ZNF8: variants seen among roughly 807,000 people sequenced by gnomAD.
ZNF8 encodes zinc finger protein 8.
ZNF8 carries 9 observed loss-of-function variants against 12.2 expected under a neutral mutation model. The ratio of observed to expected loss-of-function variants is 0.73; its 90% CI spans 0.44 to 1.28. The LOEUF (loss-of-function observed/expected upper bound fraction) is 1.28. ZNF8 is among the 50% of genes most tolerant of loss of function. The pLI is 0.00. For synonymous variants in ZNF8, 274 were observed against 282.3 expected, an observed-to-expected ratio of 0.97 and a Z score of 0.30; for missense variants, 664 against 729.1, an observed-to-expected ratio of 0.91 and a Z score of 1.03.
In ZNF8 at chr19:58,294,444, T is replaced by G; in HGVS notation, c.636T>G (p.His212Gln). 1 of 1,614,068 alleles carries G rather than the reference T, an allele frequency of 6.2e-7. No individual in the cohort carries two copies. The highest frequency in any genetic ancestry group is 2.2e-5 in the East Asian group (1 of 44,880). ...TYDSQITDSE[H>Q]NSSLVSQQTG... is the part of the protein sequence containing the mutation. ...ACTCACAGATTACAGACTCAGAACA[T>G]AACTCCAGCTTAGTCAGTCAGCAGA... The change falls in exon 4 of 4, where the codon CAT (histidine) becomes CAG (glutamine). Residue 212 changes from histidine to glutamine, a missense_variant. Physicochemically the swap from His to Gln is conservative, Grantham distance 24. This residue lies in a region of ZNF8 where 306 missense variants were observed against 308.7 expected (regional missense o/e 0.99). Coordinates refer to ENST00000621650, the MANE Select transcript of ZNF8 (RefSeq NM_021089.3). The surrounding 1 kb of genome is among the most constrained non-coding windows in gnomAD (Gnocchi z 5.5).
In ZNF8 at chr19:58,298,038, T is replaced by C. The variant is rs1329416735; in HGVS notation, c.*2502T>C. The C allele has an allele frequency of 1.3e-5, 2 of 151,986 alleles. No individual in the cohort carries two copies. The highest frequency in any genetic ancestry group is 2.9e-5 in the Non-Finnish European group (2 of 67,996). 9.4% of individuals were successfully genotyped at this position (151,986 alleles called of 1,614,324 possible). On this transcript the variant is annotated 3_prime_UTR_variant, in exon 4 of 4. Coordinates refer to ENST00000621650, the MANE Select transcript of ZNF8 (RefSeq NM_021089.3). Reference sequence around the variant, plus strand: ...AATTTCTTTTCTTTTCTTTTTTTTTTTTTTCTTTTGAGACGGAGTCTCGCT... The same window carrying C: ...AATTTCTTTTCTTTTCTTTTTTTTTCTTTTCTTTTGAGACGGAGTCTCGCT...
chr19:58,280,637 TCTGCTG>T (rs1403340570), intron 1 of ZNF8: 3 of 152,246 alleles, frequency 2.0e-5, no homozygotes, highest in East Asian at 3.8e-4. Context: ...GTTATCTGTG[TCTGCTG>T]TAACAATTCA....
rs2051378972 is a variant in ZNF8 at position 58,285,723 on chromosome 19, G to A, written c.73G>A (p.Val25Met). ...AATGTGTGTGATGTTTCAGGAACCA[G>A]TGACCTTCCGGGATGTGGCTGTGGA... Reference protein sequence around the residue: ...GPPAARLQEPVTFRDVAVDFT... With the variant: ...GPPAARLQEPMTFRDVAVDFT... Residue 25 changes from valine (V) to methionine (M), a missense_variant, in exon 2 of 4, where the codon GTG becomes ATG. Physicochemically the swap from Val to Met is conservative, Grantham distance 21. This residue lies in a region of ZNF8 where 306 missense variants were observed against 308.7 expected (regional missense o/e 0.99). Transcript: ENST00000621650. 3 of 1,614,070 alleles carry A rather than the reference G, an allele frequency of 1.9e-6. No homozygotes were observed. The highest frequency in any genetic ancestry group is 1.7e-6 in the Non-Finnish European group (2 of 1,180,034).
In ZNF8 at chr19:58,294,247, A is replaced by G. The variant is rs2051438320; in HGVS notation, c.439A>G (p.Ser147Gly). The G allele has an allele frequency of 6.2e-7, 1 of 1,614,154 alleles. No homozygotes were observed. Among genetic ancestry groups the G allele is most frequent in the Middle Eastern group, 1.6e-4 (1 of 6,062 alleles). ...LGKDRECQSQ[S>G]LALKEQNNLK... ...GAAAGACAGGGAGTGTCAGAGCCAG[A>G]GTCTGGCACTCAAGGAGCAGAATAA... Residue 147 changes from serine (S) to glycine (G), a missense_variant, in exon 4 of 4, where the codon AGT (serine) becomes GGT (glycine). This residue lies in a region of ZNF8 where 306 missense variants were observed against 308.7 expected (regional missense o/e 0.99). Coordinates refer to ENST00000621650, the MANE Select transcript of ZNF8 (RefSeq NM_021089.3). This position sits in a 1 kb window ranked among gnomAD's most constrained non-coding sequence, Gnocchi z 5.5.
At chr19:58,290,328 A>C (rs184484293) in intron 3 of ZNF8, among the ~76,000 whole-genome samples, 19 of 148,646 alleles carry the variant, frequency 1.3e-4, no homozygotes, top group Non-Finnish European at 2.4e-4. Flanking sequence ...GTTGGCCAGG[A>C]TGGTCTCTAT....
chr19:58,296,918 C>G lies in ZNF8; in HGVS notation c.*1382C>G, dbSNP rs1002627368. The stretch of plus-strand genomic sequence containing the variant: ...GAAGCCACCTGGGTATAAACCCAGC[C>G]CAGAAATGTAGCTGACATTTTTAAA... On this transcript the variant is annotated 3_prime_UTR_variant, in exon 4 of 4. Transcript: ENST00000621650. 4 of 152,142 alleles carry G rather than the reference C, an allele frequency of 2.6e-5. No homozygotes were observed. Among genetic ancestry groups the G allele is most frequent in the African/African-American group, 9.7e-5 (4 of 41,400 alleles). 9.4% of individuals were successfully genotyped at this position (152,142 alleles called of 1,614,324 possible).
At position 58,290,404 on chromosome 19, in the gene ZNF8, G is replaced by A. The variant is rs1431841090; in HGVS notation, c.290-3694G>A. ...GCTGGGATTACAGACGTGAGCCACCGCGCCCGGCCATCAAGATTCTTAATC... is the reference window on the plus strand; with the variant it reads ...GCTGGGATTACAGACGTGAGCCACCACGCCCGGCCATCAAGATTCTTAATC... On this transcript the variant is annotated intron_variant, in intron 3 of 3. Transcript: ENST00000621650. Among the ~76,000 whole-genome samples, 18 of 152,150 alleles carry A rather than the reference G, an allele frequency of 1.2e-4. No individual in the cohort carries two copies. The South Asian group carries it at 1.5e-3, about 12-fold the overall frequency.
At chr19:58,282,160 T>C (rs1290993426) in intron 1 of ZNF8, among the ~76,000 whole-genome samples, 1 of 152,000 alleles carries the variant, frequency 6.6e-6, no homozygotes, top group African/African-American at 2.4e-5. Flanking sequence ...GTGGTTTTGT[T>C]TTGTTTTTTA....
rs566299938 is a variant in ZNF8, at chr19:58,295,732, T to C, written c.*196T>C. 18 of 558,424 alleles carry C rather than the reference T, an allele frequency of 3.2e-5. No individual in the cohort carries two copies. The highest frequency in any genetic ancestry group is 3.0e-4 in the African/African-American group (16 of 53,318). The allele number at this position is 558,424 out of a possible 1,614,324, so 34.6% of individuals were successfully genotyped here. ...ACTCAGTGCCCTCTTTAGCGACATA[T>C]TTTGTGACATTCCTTCCATTACACC... On this transcript the variant is annotated 3_prime_UTR_variant, in exon 4 of 4. Coordinates refer to ENST00000621650, the MANE Select transcript of ZNF8 (RefSeq NM_021089.3).
intron 3 of ZNF8, among the ~76,000 whole-genome samples, chr19:58,287,548 A>G (rs1284444834): frequency 1.3e-5 from 2 of 149,936 alleles, no homozygotes; most frequent in Non-Finnish European, 3.0e-5. Context: ...TGTGTTGCCC[A>G]GGCTGGTCTC....
In ZNF8 at chr19:58,295,589, C is replaced by T. The variant is rs1048311330; in HGVS notation, c.*53C>T. ...CCACAAGTAAAAAATGTGGTAAGTC[C>T]ACATAGTGTACTCATGGAAGGAGGG... On this transcript the variant is annotated 3_prime_UTR_variant, in exon 4 of 4. Coordinates refer to ENST00000621650, the MANE Select transcript of ZNF8 (RefSeq NM_021089.3). The T allele has an allele frequency of 2.1e-6, 3 of 1,422,822 alleles. No individual in the cohort carries two copies. Among genetic ancestry groups the T allele is most frequent in the East Asian group, 2.3e-5 (1 of 43,666 alleles). The allele number at this position is 1,422,822 out of a possible 1,614,324, so 88.1% of individuals were successfully genotyped here. A position where few individuals can be genotyped will look rare whatever the true frequency, so the allele number is the denominator to read the frequency against.
Position 58,302,254 on chromosome 19 carries a change from G to A in ZNF8, c.*6718G>A, listed in dbSNP as rs190125478. 14 of 152,150 alleles carry A rather than the reference G, an allele frequency of 9.2e-5. No individual in the cohort carries two copies. In the East Asian group the frequency reaches 2.1e-3, roughly 23 times the overall value. The allele number at this position is 152,150 out of a possible 1,614,324, so 9.4% of individuals were successfully genotyped here. A position where few individuals can be genotyped will look rare whatever the true frequency, so the allele number is the denominator to read the frequency against. ...TTTTTTCTGTTCATAAAAGTAATGC[G>A]AGTTCTTTGTAGCAAAACTTGGAAA... On this transcript the variant is annotated 3_prime_UTR_variant, in exon 4 of 4. Coordinates refer to ENST00000621650, the MANE Select transcript of ZNF8 (RefSeq NM_021089.3).
rs1187337850 is a variant in ZNF8 at position 58,279,129 on chromosome 19, G to A, written c.48G>A (p.Pro16=). 1.9e-6 allele frequency: 3 copies of A among 1,563,662 alleles called. No homozygotes were observed. The highest frequency in any genetic ancestry group is 2.6e-6 in the Non-Finnish European group (3 of 1,153,498). ...TAGCGGGAGTGATGTCTGTGGGGCC[G>A]CCGGCGGCCCGGCTTCAGGTAACAA... ...EGVAGVMSVG[P]PAARLQEPVT... Residue 16 remains proline (P), a synonymous_variant, in exon 1 of 4, where the codon CCG becomes CCA. Transcript: ENST00000621650.
chr19:58,286,136 A>G lies in ZNF8; in HGVS notation c.220A>G (p.Ile74Val), dbSNP rs143048229. Residue 74 changes from isoleucine to valine, a missense_variant, in exon 3 of 4, where the codon ATC becomes GTC. This residue lies in a region of ZNF8 where 306 missense variants were observed against 308.7 expected (regional missense o/e 0.99). Transcript: ENST00000621650. Reference sequence around the variant, plus strand: ...TCCTGAGCTTCCGAAGCCTGAAGTCATCTCCCAGCTGGAGCAAGGGACCGA... The same window carrying G: ...TCCTGAGCTTCCGAAGCCTGAAGTCGTCTCCCAGCTGGAGCAAGGGACCGA... Reference protein sequence around the residue: ...IGPELPKPEVISQLEQGTELW... With the variant: ...IGPELPKPEVVSQLEQGTELW... 104 of 1,614,004 alleles carry G rather than the reference A, an allele frequency of 6.4e-5. No homozygotes were observed. The highest frequency in any genetic ancestry group is 7.5e-5 in the Non-Finnish European group (89 of 1,180,034).
chr19:58,288,650 C>T (rs1209291604), intron 3 of ZNF8, among the ~76,000 whole-genome samples: 1 of 152,090 alleles, frequency 6.6e-6, no homozygotes, highest in African/African-American at 2.4e-5. Context: ...GTGTTGGTAC[C>T]CTGACCACAT....
At chr19:58,286,006 G>C in intron 2 of ZNF8, 104 bp from the exon 3 acceptor site, 1 of 1,420,264 alleles carries the variant, frequency 7.0e-7, no homozygotes, top group Non-Finnish European at 9.7e-7. Context: ...ACCATGTTGT[G>C]AGGTGCCCAC....
chr19:58,286,065 T>G, intron 2 of ZNF8, 45 bp from the exon 3 acceptor site: 1 of 1,587,022 alleles, frequency 6.3e-7, no homozygotes, highest in Non-Finnish European at 8.6e-7. Context: ...TTGTTGTTTC[T>G]CTCCTGAGCA....
In ZNF8 at chr19:58,300,780, C is replaced by T. The variant is rs543737640; in HGVS notation, c.*5244C>T. On this transcript the variant is annotated 3_prime_UTR_variant, in exon 4 of 4. Coordinates refer to ENST00000621650, the MANE Select transcript of ZNF8 (RefSeq NM_021089.3). ...CTATTCCCTTGGTGGCAGCTCACAC[C>T]TCAGACCTGCTGTCCGCCCCCACTG... is the stretch of plus-strand genomic sequence containing the variant. The T allele has an allele frequency of 6.6e-6, 1 of 152,660 alleles. No homozygotes were observed. Among genetic ancestry groups the T allele is most frequent in the East Asian group, 1.9e-4 (1 of 5,210 alleles). 9.5% of individuals were successfully genotyped at this position (152,660 alleles called of 1,614,324 possible).
intron 1 of ZNF8, among the ~76,000 whole-genome samples, 178 bp from the exon 2 acceptor site, chr19:58,285,539 C>T (rs2051377625): frequency 6.6e-6 from 1 of 152,208 alleles, no homozygotes; most frequent in African/African-American, 2.4e-5. Flanking sequence ...CCTCACTGTA[C>T]AACCCACACC....
Sources: allele counts gnomAD v4.1 joint callset (sites outside exome capture counted in the v4.1 genomes callset), GRCh38; gene constraint gnomAD v4.1.1; regional missense constraint gnomAD v4.1.1; non-coding constraint Gnocchi (gnomAD v3.1); transcripts MANE v1.5; gene names NCBI Gene and HGNC (gene_info 2026-07-23, HGNC 2026-07-21).